Variants in PPBP observed in about 807,000 individuals in gnomAD.
PPBP encodes the protein pro-platelet basic protein.
Under a neutral mutation model 8.3 loss-of-function variants are expected in PPBP, and 8 were observed. That is an observed-to-expected ratio of 0.97 (90% CI 0.57 to 1.75). The LOEUF (loss-of-function observed/expected upper bound fraction) is 1.75. PPBP is among the 40% of genes most tolerant of loss of function. PPBP has a pLI of 0.00. For synonymous variants in PPBP, 64 were observed against 58.9 expected, an observed-to-expected ratio of 1.09 and a Z score of -0.40; for missense variants, 169 against 149.2, an observed-to-expected ratio of 1.13 and a Z score of -0.69.
At position 73,987,267 on chromosome 4, in the gene PPBP, A is replaced by G. The variant is rs1246710596; in HGVS notation, c.*5T>C. ...GTTAAAGAAGTTTGGCAGAAACAGA[A>G]CAAATTAATCAGCAGATTCATCACC... On this transcript the variant is annotated 3_prime_UTR_variant, in exon 3 of 3. Coordinates refer to ENST00000296028, the MANE Select transcript of PPBP (RefSeq NM_002704.3). 1 of 1,599,450 alleles carries G rather than the reference A, an allele frequency of 6.3e-7. No homozygotes were observed. Among genetic ancestry groups the G allele is most frequent in the Admixed American group, 1.7e-5 (1 of 59,978 alleles).
chr4:73,987,964 T>C lies in PPBP; in HGVS notation c.140A>G (p.Lys47Arg), dbSNP rs778453233. 1 of 1,614,108 alleles carries C rather than the reference T, an allele frequency of 6.2e-7. No individual in the cohort carries two copies. The highest frequency in any genetic ancestry group is 1.1e-5 in the South Asian group (1 of 91,082). ...AGAAGCAGGGCCTCTACCTTTGCCTTTCGCCAAGTTTCTCTTAGTTTGTCC... is the reference window on the plus strand; with the variant it reads ...AGAAGCAGGGCCTCTACCTTTGCCTCTCGCCAAGTTTCTCTTAGTTTGTCC... The part of the protein sequence containing the change: ...TKGQTKRNLA[K>R]GKEESLDSDL... The change falls in exon 1 of 3, where the codon AAA becomes AGA. Residue 47 changes from lysine (K) to arginine (R), a missense_variant. Physicochemically the swap from Lys to Arg is conservative, Grantham distance 26. Coordinates refer to ENST00000296028, the MANE Select transcript of PPBP (RefSeq NM_002704.3).
At chr4:73,987,479 T>A in intron 2 of PPBP, 38 bp downstream of exon 2, 4 of 1,610,280 alleles carry the variant, frequency 2.5e-6, no homozygotes, top group Non-Finnish European at 3.4e-6. Context: ...GGTAGAGGGT[T>A]TCTCTGATAA....
chr4:73,987,811 T>G, intron 1 of PPBP, 145 bp downstream of exon 1: 1 of 1,445,452 alleles, frequency 6.9e-7, no homozygotes, highest in Non-Finnish European at 9.6e-7. Flanking sequence ...ACACAAGAAG[T>G]GAGAAGTGAC....
Position 73,988,139 on chromosome 4 carries a change from C to A in PPBP, c.-36G>T. The A allele has an allele frequency of 4.3e-6, 7 of 1,610,200 alleles. No homozygotes were observed. The highest frequency in any genetic ancestry group is 5.9e-6 in the Non-Finnish European group (7 of 1,176,636). On this transcript the variant is annotated 5_prime_UTR_variant, in exon 1 of 3. Coordinates refer to ENST00000296028, the MANE Select transcript of PPBP (RefSeq NM_002704.3). Reference sequence around the variant, plus strand: ...GCTGAGCTAGAGTTGTTTCCAGAACCAGAAGACCTCTGAGTGAGGGTGAGT... The same window carrying A: ...GCTGAGCTAGAGTTGTTTCCAGAACAAGAAGACCTCTGAGTGAGGGTGAGT...
intron 1 of PPBP, 74 bp downstream of exon 1, chr4:73,987,882 G>C: frequency 6.3e-7 from 1 of 1,596,408 alleles, no homozygotes; most frequent in South Asian, 1.1e-5. Context: ...AGCCCCAAAG[G>C]CACCAAGCTA....
chr4:73,987,452 G>A (rs1020240387), intron 2 of PPBP, 65 bp downstream of exon 2: 13 of 1,607,790 alleles, frequency 8.1e-6, no homozygotes, highest in Non-Finnish European at 1.1e-5. Flanking sequence ...GAGGAAACGA[G>A]TGCATATGTG....
rs1718984822 is a variant in PPBP, at chr4:73,987,029, A to C, written c.*243T>G. 2.0e-6 allele frequency: 1 copy of C among 497,692 alleles called. No individual in the cohort carries two copies. The highest frequency in any genetic ancestry group is 2.0e-5 in the African/African-American group (1 of 50,854). 30.8% of individuals were successfully genotyped at this position (497,692 alleles called of 1,614,324 possible). ...TTTTAAAGAAAAAAATGCAAAGTAC[A>C]GTCCAATGTTTAGGCAAGAATTAGA... On this transcript the variant is annotated 3_prime_UTR_variant, in exon 3 of 3. Transcript: ENST00000296028.
At position 73,987,570 on chromosome 4, in the gene PPBP, G is replaced by A. The variant is rs148885848; in HGVS notation, c.231C>T (p.Ile77=). Residue 77 remains isoleucine (I), a synonymous_variant, in exon 2 of 3, where the codon ATC becomes ATT. Transcript: ENST00000296028. ...KTTSGIHPKN[I]QSLEVIGKGT... ...CTTTCCCGATCACTTCCAAACTTTG[G>A]ATGTTTTTGGGATGAATTCCAGAGG... is the stretch of plus-strand genomic sequence containing the variant. 1.1e-3 allele frequency: 1,790 copies of A among 1,614,114 alleles called. 13 individuals carry two copies. The highest frequency in any genetic ancestry group is 6.7e-4 in the South Asian group (61 of 91,082).
intron 1 of PPBP, 70 bp downstream of exon 1, chr4:73,987,886 C>G: frequency 1.9e-6 from 3 of 1,602,290 alleles, no homozygotes; most frequent in Non-Finnish European, 2.6e-6. Flanking sequence ...CCAAAGGCAC[C>G]AAGCTAGTCT....
At position 73,987,211 on chromosome 4, in the gene PPBP, T is replaced by C. The variant is rs566370306; in HGVS notation, c.*61A>G. On this transcript the variant is annotated 3_prime_UTR_variant, in exon 3 of 3. Coordinates refer to ENST00000296028, the MANE Select transcript of PPBP (RefSeq NM_002704.3). ...CTGAATAAATGAGAACTCTAGAAAATCAAGGTTTCAAAATTCTACCCTTCC... is the reference window on the plus strand; with the variant it reads ...CTGAATAAATGAGAACTCTAGAAAACCAAGGTTTCAAAATTCTACCCTTCC... 4.2e-6 allele frequency: 6 copies of C among 1,412,568 alleles called. No homozygotes were observed. The highest frequency in any genetic ancestry group is 6.0e-6 in the Non-Finnish European group (6 of 1,002,990). 87.5% of individuals were successfully genotyped at this position (1,412,568 alleles called of 1,614,324 possible).
rs368597269 is a variant in PPBP at position 73,986,569 on chromosome 4, G to A, written c.*703C>T. Among the ~76,000 whole-genome samples, 6 of 152,160 alleles carry A rather than the reference G, an allele frequency of 3.9e-5. No individual in the cohort carries two copies. In the South Asian group the frequency reaches 8.3e-4, roughly 21 times the overall value. ...AATTTAGAATTAGGAGTCTAGTAAGGTTGAAGTCCTATATTGTACTTATTT... is the reference window on the plus strand; with the variant it reads ...AATTTAGAATTAGGAGTCTAGTAAGATTGAAGTCCTATATTGTACTTATTT... On this transcript the variant is annotated 3_prime_UTR_variant, in exon 3 of 3. Transcript: ENST00000296028.
At chr4:73,987,488 A>G in intron 2 of PPBP, 29 bp downstream of exon 2, 1 of 1,610,636 alleles carries the variant, frequency 6.2e-7, no homozygotes, top group Non-Finnish European at 8.5e-7. Flanking sequence ...TTTCTCTGAT[A>G]AGGCAATAGC....
At chr4:73,987,810 G>A in intron 1 of PPBP, 146 bp downstream of exon 1, 2 of 1,448,886 alleles carry the variant, frequency 1.4e-6, no homozygotes, top group South Asian at 2.5e-5. Context: ...CACACAAGAA[G>A]TGAGAAGTGA....
At chr4:73,987,735 C>T (rs982326924) in intron 1 of PPBP, 83 bp from the exon 2 acceptor site, 9 of 1,521,902 alleles carry the variant, frequency 5.9e-6, no homozygotes, top group Non-Finnish European at 7.2e-6. Flanking sequence ...AATTGTACCT[C>T]TCTCATAAAG....
rs35801792 is a variant in PPBP at position 73,987,646 on chromosome 4, C to CT, written c.154dup (p.Ser52LysfsTer5). 4.3e-6 allele frequency: 7 copies of CT among 1,610,838 alleles called. No homozygotes were observed. Among genetic ancestry groups the CT allele is most frequent in the Non-Finnish European group, 5.9e-6 (7 of 1,177,268 alleles). Reference sequence around the variant, plus strand: ...TTCAGCATACAAGTCACTGTCTAGACTTTCCTCTAGGGTAGAAAATGTGAC... The same window carrying CT: ...TTCAGCATACAAGTCACTGTCTAGACTTTTCCTCTAGGGTAGAAAATGTGAC... On this transcript the variant is annotated frameshift_variant, in exon 2 of 3. Transcript: ENST00000296028. LOFTEE classifies it high-confidence loss of function.
Position 73,987,974 on chromosome 4 carries a change from T to C in PPBP, c.130A>G (p.Asn44Asp). Residue 44 changes from asparagine (N) to aspartate (D), a missense_variant, in exon 1 of 3, where the codon AAC becomes GAC. Physicochemically the swap from Asn to Asp is conservative, Grantham distance 23. Coordinates refer to ENST00000296028, the MANE Select transcript of PPBP (RefSeq NM_002704.3). The part of the protein sequence containing the change: ...ASSTKGQTKR[N>D]LAKGKEESLD... ...CCTCTACCTTTGCCTTTCGCCAAGT[T>C]TCTCTTAGTTTGTCCTTTGGTGGAG... The C allele has an allele frequency of 1.2e-6, 2 of 1,614,066 alleles. No homozygotes were observed. Among genetic ancestry groups the C allele is most frequent in the Non-Finnish European group, 1.7e-6 (2 of 1,179,966 alleles).
chr4:73,987,096 A>G lies in PPBP; in HGVS notation c.*176T>C, dbSNP rs1718985780. On this transcript the variant is annotated 3_prime_UTR_variant, in exon 3 of 3. Coordinates refer to ENST00000296028, the MANE Select transcript of PPBP (RefSeq NM_002704.3). ...TATTTATTTTCATCTTCTTTCTGCC[A>G]TCTTTTAACCAACCTTCTCAGAATA... is the stretch of plus-strand genomic sequence containing the variant. 1.6e-6 allele frequency: 1 copy of G among 634,032 alleles called. No homozygotes were observed. The highest frequency in any genetic ancestry group is 2.8e-5 in the East Asian group (1 of 35,752). The allele number at this position is 634,032 out of a possible 1,614,324, so 39.3% of individuals were successfully genotyped here.
Position 73,987,684 on chromosome 4 carries a change from A to C in PPBP, c.149-32T>G, listed in dbSNP as rs1261083098. ...TAGAAAATGTGACCTATTGGTGGTC[A>C]TGAATATTTTCCTCAGGTCTCTTAT... On this transcript the variant is annotated intron_variant, in intron 1 of 2. Coordinates refer to ENST00000296028, the MANE Select transcript of PPBP (RefSeq NM_002704.3). The C allele has an allele frequency of 1.9e-6, 3 of 1,599,566 alleles. No individual in the cohort carries two copies. The Admixed American group carries it at 5.0e-5, about 27-fold the overall frequency.
chr4:73,987,758 T>C, intron 1 of PPBP, 106 bp from the exon 2 acceptor site: 2 of 1,475,718 alleles, frequency 1.4e-6, no homozygotes, highest in Non-Finnish European at 1.9e-6. Context: ...ATTGTGAATA[T>C]GATCTGTAAC....
Sources: allele counts gnomAD v4.1 joint callset (sites outside exome capture counted in the v4.1 genomes callset), GRCh38; gene constraint gnomAD v4.1.1; transcripts MANE v1.5; gene names NCBI Gene and HGNC (gene_info 2026-07-23, HGNC 2026-07-21).